Variants in HEATR1 observed in about 807,000 individuals in gnomAD.
The protein encoded by HEATR1 is HEAT repeat-containing protein 1.
HEATR1 carries 77 observed loss-of-function variants against 248.2 expected under a neutral mutation model. The observed-to-expected ratio is 0.31, with a 90% CI of 0.26 to 0.37. The LOEUF is 0.37. HEATR1 is among the 10% of genes least tolerant of loss of function. HEATR1 has a pLI of 1.00. For synonymous variants in HEATR1, 897 were observed against 923.1 expected, an observed-to-expected ratio of 0.97 and a Z score of 0.51; for missense variants, 2,420 against 2,504.9, an observed-to-expected ratio of 0.97 and a Z score of 0.72.
chr1:236,568,039 C>A (rs981437299), intron 29 of HEATR1, among the ~76,000 whole-genome samples: 3 of 152,234 alleles, frequency 2.0e-5, no homozygotes, highest in Non-Finnish European at 4.4e-5. Context: ...CAACCCTCTG[C>A]TCTCCATCAA....
At chr1:236,571,192 T>C (rs937861151) in intron 28 of HEATR1, among the ~76,000 whole-genome samples, 159 bp downstream of exon 28, 1 of 152,240 alleles carries the variant, frequency 6.6e-6, no homozygotes, top group Non-Finnish European at 1.5e-5. Flanking sequence ...AACTGGCTTA[T>C]ACAGTCCCAG....
intron 33 of HEATR1, among the ~76,000 whole-genome samples, chr1:236,560,631 A>G (rs1341015301): frequency 6.6e-6 from 1 of 152,230 alleles, no homozygotes; most frequent in East Asian, 1.9e-4. Flanking sequence ...AAGGGGCAGG[A>G]CAGTGGCCCT....
At chr1:236,568,016 T>G (rs2853604) in intron 29 of HEATR1, among the ~76,000 whole-genome samples, 1 of 152,102 alleles carries the variant, frequency 6.6e-6, no homozygotes, top group African/African-American at 2.4e-5. Flanking sequence ...AATAAACCAA[T>G]GTCTACCTGT....
intron 41 of HEATR1, 52 bp from the exon 42 acceptor site, chr1:236,554,804 A>C: frequency 1.4e-6 from 2 of 1,447,136 alleles, no homozygotes; most frequent in Non-Finnish European, 1.9e-6. Context: ...TAACCATTTA[A>C]TCTCCAATGT....
chr1:236,561,946 T>C (rs922374722), intron 32 of HEATR1, among the ~76,000 whole-genome samples: 1 of 152,222 alleles, frequency 6.6e-6, no homozygotes, highest in Non-Finnish European at 1.5e-5. Flanking sequence ...TGGGAAGTTT[T>C]TACAGCATAT....
rs1375961801 is a variant in HEATR1 at position 236,592,562 on chromosome 1, T to C, written c.1265A>G (p.Asn422Ser). The change falls in exon 10 of 45, where the codon AAT becomes AGT. Residue 422 changes from asparagine (N) to serine (S), a missense_variant. By Grantham distance (46) the Asn-to-Ser change is conservative. Coordinates refer to ENST00000366582, the MANE Select transcript of HEATR1 (RefSeq NM_018072.6). ...EMDSNKVSLL[N>S]EQFLPLIRLL... ...CCTAATGAGTGGAAGAAATTGTTCA[T>C]TAAGCAAAGACACTTTATTAGAATC... is the stretch of plus-strand genomic sequence containing the variant. The C allele has an allele frequency of 6.6e-7, 1 of 1,512,654 alleles. No homozygotes were observed. The highest frequency in any genetic ancestry group is 9.2e-7 in the Non-Finnish European group (1 of 1,089,926). 93.7% of individuals were successfully genotyped at this position (1,512,654 alleles called of 1,614,324 possible).
rs964755062 is a variant in HEATR1, at chr1:236,550,712, G to T, written c.*190C>A. The stretch of plus-strand genomic sequence containing the variant: ...ATTTACTCTTTCTGCAGCTCTATAC[G>T]ATAGGCAGGAGAGGCTTATGTGGCA... On this transcript the variant is annotated 3_prime_UTR_variant, in exon 45 of 45. Transcript: ENST00000366582. 5.7e-6 allele frequency: 3 copies of T among 523,508 alleles called. No homozygotes were observed. Among genetic ancestry groups the T allele is most frequent in the Middle Eastern group, 4.6e-4 (1 of 2,194 alleles). The allele number at this position is 523,508 out of a possible 1,614,324, so 32.4% of individuals were successfully genotyped here. A position where few individuals can be genotyped will look rare whatever the true frequency, so the allele number is the denominator to read the frequency against.
rs115878431 is a variant in HEATR1 at position 236,593,515 on chromosome 1, C to T, written c.1193+497G>A. 5.0e-3 allele frequency among the ~76,000 whole-genome samples: 721 copies of T among 143,108 alleles called. 7 individuals are homozygous for T. Among genetic ancestry groups the T allele is most frequent in the African/African-American group, 0.018 (700 of 38,874 alleles). 93.9% of individuals were successfully genotyped at this position (143,108 alleles called of 152,430 possible). On this transcript the variant is annotated intron_variant, in intron 9 of 44. Transcript: ENST00000366582. ...TTACTATAGCCCTGGAAGTGGTAGG[C>T]GCAGAATTTACACCTATGTCTGACC...
intron 20 of HEATR1, among the ~76,000 whole-genome samples, chr1:236,577,486 ATT>A (rs1228842343): frequency 2.1e-5 from 2 of 97,196 alleles, no homozygotes; most frequent in African/African-American, 3.6e-5. Context: ...AAATTACATC[ATT>A]CTTTTTTTTT....
At chr1:236,597,256 A>ATTT (rs10581442) in intron 5 of HEATR1, among the ~76,000 whole-genome samples, 5 of 138,272 alleles carry the variant, frequency 3.6e-5, no homozygotes, top group East Asian at 4.2e-4. Context: ...TTAAAAAAAA[A>ATTT]TTTTTTTTTT....
chr1:236,588,069 T>G, intron 12 of HEATR1, 26 bp from the exon 13 acceptor site: 1 of 1,569,602 alleles, frequency 6.4e-7, no homozygotes, highest in South Asian at 1.1e-5. Flanking sequence ...AAAACATTAA[T>G]TTAGCTGTTG....
At position 236,588,197 on chromosome 1, in the gene HEATR1, G is replaced by C. The variant is rs111638121; in HGVS notation, c.1531-154C>G. On this transcript the variant is annotated intron_variant, in intron 12 of 44. Transcript: ENST00000366582. ...TGAGGACTGAAACACACTAGAACTA[G>C]ATAATCGCTAAAGGGCCTTTTGAGA... Among the ~76,000 whole-genome samples the C allele has an allele frequency of 1.6e-3, 223 of 140,674 alleles. 2 individuals carry two copies. The highest frequency in any genetic ancestry group is 5.1e-3 in the African/African-American group (205 of 40,368). 92.3% of individuals were successfully genotyped at this position (140,674 alleles called of 152,430 possible).
intron 21 of HEATR1, 129 bp from the exon 22 acceptor site, chr1:236,576,506 C>T (rs1663565125): frequency 1.3e-6 from 1 of 765,608 alleles, no homozygotes; most frequent in Admixed American, 3.3e-5. Context: ...TCCTTAAAAC[C>T]TTAATAAGAA....
chr1:236,589,296 A>G (rs778870365), intron 12 of HEATR1, among the ~76,000 whole-genome samples: 43 of 152,226 alleles, frequency 2.8e-4, no homozygotes, highest in Non-Finnish European at 5.3e-4. Context: ...TTTATTTAAC[A>G]TATCGACAAA....
rs372329070 is a variant in HEATR1 at position 236,590,832 on chromosome 1, C to T, written c.1530+15G>A. Reference sequence around the variant, plus strand: ...AAGAAAAAAAAACCATATAAAAAAGCGATCTGAAACAAACCTTTGATGTTT... The same window carrying T: ...AAGAAAAAAAAACCATATAAAAAAGTGATCTGAAACAAACCTTTGATGTTT... On this transcript the variant is annotated intron_variant, in intron 12 of 44. Coordinates refer to ENST00000366582, the MANE Select transcript of HEATR1 (RefSeq NM_018072.6). 52 of 1,371,126 alleles carry T rather than the reference C, an allele frequency of 3.8e-5. No individual in the cohort carries two copies. Among genetic ancestry groups the T allele is most frequent in the African/African-American group, 3.7e-4 (25 of 68,146 alleles). The allele number at this position is 1,371,126 out of a possible 1,614,324, so 84.9% of individuals were successfully genotyped here.
chr1:236,602,519 T>C (rs962688493), intron 3 of HEATR1, among the ~76,000 whole-genome samples: 4 of 152,334 alleles, frequency 2.6e-5, no homozygotes, highest in African/African-American at 4.8e-5. Context: ...GAGGATAACA[T>C]TGCCTGCTTC....
Position 236,564,586 on chromosome 1 carries a change from G to A in HEATR1, c.4511C>T (p.Thr1504Ile), listed in dbSNP as rs1302271532. The A allele has an allele frequency of 6.2e-7, 1 of 1,613,774 alleles. No homozygotes were observed. Among genetic ancestry groups the A allele is most frequent in the Non-Finnish European group, 8.5e-7 (1 of 1,179,872 alleles). The change falls in exon 32 of 45, where the codon ACT becomes ATT. Residue 1504 changes from threonine (T) to isoleucine (I), a missense_variant. By Grantham distance (89) the Thr-to-Ile change is moderately conservative (BLOSUM62 -1). Coordinates refer to ENST00000366582, the MANE Select transcript of HEATR1 (RefSeq NM_018072.6). ...ATGCCGCAGTTGCTTGCTAGTGTGA[G>A]TCTCTACATTAAAAACCTGTAGCAT... The part of the protein sequence containing the change: ...EEMLQVFNVE[T>I]HTSKQLRHFK...
intron 11 of HEATR1, among the ~76,000 whole-genome samples, chr1:236,591,235 A>G (rs542733104): frequency 3.3e-5 from 5 of 152,326 alleles, no homozygotes; most frequent in Non-Finnish European, 7.3e-5. Context: ...TGTATTTTGT[A>G]TGCGTATCTG....
At chr1:236,582,404 CCCAT>C in intron 19 of HEATR1, among the ~76,000 whole-genome samples, 2 of 143,578 alleles carry the variant, frequency 1.4e-5, no homozygotes, top group East Asian at 4.2e-4. Flanking sequence ...CTGCGCCCAG[CCCAT>C]CTTTTTTTTT....
Sources: gnomAD v4.1 joint callset for allele counts (sites outside exome capture counted in the v4.1 genomes callset) on GRCh38, gnomAD v4.1.1 for gene constraint, MANE v1.5 for transcripts, NCBI Gene and HGNC (gene_info 2026-07-23, HGNC 2026-07-21) for gene names.